The following SHROOM4 variants were observed in gnomAD, a reference collection of about 807,000 sequenced individuals.
SHROOM4 encodes the protein protein Shroom4.
SHROOM4 carries 17 observed loss-of-function variants against 80.3 expected under a neutral mutation model. The observed-to-expected ratio is 0.21, with a 90% confidence interval of 0.14 to 0.32. The LOEUF is 0.32. Ranked by LOEUF, SHROOM4 falls within the 10% of genes least tolerant of loss-of-function variation. The pLI, the probability that SHROOM4 is intolerant of heterozygous loss-of-function variation, is 1.00. For missense variants in SHROOM4, 993 were observed against 1,140.3 expected (o/e 0.87, Z 1.86); for synonymous variants, 400 against 437.5 (o/e 0.91, Z 1.07).
At chrX:50,682,817 G>T (rs1348711838) in intron 2 of SHROOM4, among the ~76,000 whole-genome samples, 1 of 112,002 alleles carries the variant, frequency 8.9e-6, no homozygotes, top group Non-Finnish European at 1.9e-5. Flanking sequence ...AACTTGATTG[G>T]ATTGAAGGAT....
chrX:50,795,051 G>GATAT (rs57853672), intron 1 of SHROOM4, among the ~76,000 whole-genome samples: 1 of 2,518 alleles, frequency 4.0e-4, no homozygotes, highest in African/African-American at 4.6e-4. Context: ...ATATATATAT[G>GATAT]ATATATATAT....
chrX:50,693,666 G>A (rs1322269608), intron 2 of SHROOM4, among the ~76,000 whole-genome samples: 1 of 107,151 alleles, frequency 9.3e-6, no homozygotes, highest in Non-Finnish European at 1.9e-5. Flanking sequence ...CATATAATGT[G>A]TAATAATGAA....
intron 2 of SHROOM4, among the ~76,000 whole-genome samples, chrX:50,660,495 G>C (rs1007014518): frequency 1.9e-5 from 2 of 103,265 alleles, no homozygotes; most frequent in Non-Finnish European, 3.9e-5. Context: ...TGCTTTAATT[G>C]TAAGTGTTGA....
chrX:50,739,479 T>G (rs1370793849), intron 1 of SHROOM4, among the ~76,000 whole-genome samples: 1 of 110,459 alleles, frequency 9.1e-6, no homozygotes, highest in Non-Finnish European at 1.9e-5. Flanking sequence ...TCAAACAAAT[T>G]TACAAGAAAA....
intron 1 of SHROOM4, among the ~76,000 whole-genome samples, chrX:50,795,040 C>CATATATATATGAT (rs1935938021): frequency 3.2e-4 from 2 of 6,224 alleles, no homozygotes; most frequent in African/African-American, 4.0e-4. Flanking sequence ...ATATATATCT[C>CATATATATATGAT]ATATATATAT....
chrX:50,725,136 C>A (rs1356812539), intron 1 of SHROOM4, among the ~76,000 whole-genome samples: 5 of 112,041 alleles, frequency 4.5e-5, no homozygotes, highest in Non-Finnish European at 1.9e-5. Context: ...AAGAGGAAGG[C>A]TCCCTTTATC....
At chrX:50,705,186 G>C (rs1271264886) in intron 1 of SHROOM4, among the ~76,000 whole-genome samples, 1 of 111,341 alleles carries the variant, frequency 9.0e-6, no homozygotes, top group African/African-American at 3.3e-5. Context: ...CATCATGACT[G>C]AGAAATGACA....
At chrX:50,748,902 C>A (rs1319547893) in intron 1 of SHROOM4, among the ~76,000 whole-genome samples, 1 of 112,253 alleles carries the variant, frequency 8.9e-6, no homozygotes, top group African/African-American at 3.2e-5. Context: ...TAAACATAGT[C>A]AAAAAGTTTA....
In SHROOM4 at chrX:50,751,174, G is replaced by A. The variant is rs781973862; in HGVS notation, c.118-55237C>T. 8.0e-5 allele frequency among the ~76,000 whole-genome samples: 9 copies of A among 111,814 alleles called. No individual in the cohort carries two copies. In the South Asian group the frequency reaches 1.9e-3, roughly 24 times the overall value. On this transcript the variant is annotated intron_variant, in intron 1 of 8. Coordinates refer to ENST00000376020, the MANE Select transcript of SHROOM4 (RefSeq NM_020717.5). ...ATGATAGAATCCTACCACTCTAATC[G>A]AACTCATGGAGTCTATGCCAAAGAG...
At chrX:50,655,541 A>C (rs1432768565) in intron 2 of SHROOM4, among the ~76,000 whole-genome samples, 2 of 106,901 alleles carry the variant, frequency 1.9e-5, no homozygotes, top group Non-Finnish European at 3.8e-5. Context: ...TATATTATAT[A>C]TAACATATAT....
intron 5 of SHROOM4, among the ~76,000 whole-genome samples, chrX:50,617,738 A>G (rs1038174051): frequency 2.8e-5 from 3 of 107,994 alleles, no homozygotes; most frequent in Non-Finnish European, 5.7e-5. Flanking sequence ...ATCTGGAGGT[A>G]CTGGGCACAA....
intron 2 of SHROOM4, among the ~76,000 whole-genome samples, chrX:50,647,700 A>T (rs1386602596): frequency 1.8e-5 from 2 of 112,070 alleles, no homozygotes; most frequent in Admixed American, 1.9e-4. Flanking sequence ...GATGGAATCC[A>T]TAAAGGTTTT....
intron 1 of SHROOM4, among the ~76,000 whole-genome samples, chrX:50,806,676 G>A (rs183945715): frequency 3.3e-4 from 37 of 112,260 alleles, no homozygotes; most frequent in Non-Finnish European, 3.9e-4. Flanking sequence ...TCTTGATACC[G>A]ACATAACCAA....
At position 50,590,529 on chromosome X, in the gene SHROOM4, C is replaced by T. The variant is rs1315588376; in HGVS notation, c.*6166G>A. On this transcript the variant is annotated 3_prime_UTR_variant, in exon 9 of 9. Coordinates refer to ENST00000376020, the MANE Select transcript of SHROOM4 (RefSeq NM_020717.5). ...CCTCCCAAAGTGCTGGGATTACAGG[C>T]GTGAGCCACCGCGCCTGGCCGAGAC... 1.8e-5 allele frequency among the ~76,000 whole-genome samples: 2 copies of T among 111,085 alleles called. No individual in the cohort carries two copies. Among genetic ancestry groups the T allele is most frequent in the African/African-American group, 3.3e-5 (1 of 30,543 alleles).
intron 1 of SHROOM4, among the ~76,000 whole-genome samples, chrX:50,700,548 T>A (rs1557263465): frequency 8.9e-6 from 1 of 111,915 alleles, no homozygotes; most frequent in Non-Finnish European, 1.9e-5. Context: ...CTACCCTCTT[T>A]TTCCTTGTTG....
chrX:50,674,973 T>C (rs1236367422), intron 2 of SHROOM4, among the ~76,000 whole-genome samples: 3 of 111,920 alleles, frequency 2.7e-5, no homozygotes, highest in African/African-American at 6.5e-5. Context: ...GCAGAAACCT[T>C]TAACAATGAG....
chrX:50,798,509 C>T (rs1936059608), intron 1 of SHROOM4, among the ~76,000 whole-genome samples: 1 of 111,284 alleles, frequency 9.0e-6, no homozygotes, highest in South Asian at 3.8e-4. Context: ...ATATGAAACA[C>T]AGAAAGGGGC....
intron 1 of SHROOM4, among the ~76,000 whole-genome samples, chrX:50,707,328 G>A (rs1933702975): frequency 8.9e-6 from 1 of 112,155 alleles, no homozygotes; most frequent in Non-Finnish European, 1.9e-5. Flanking sequence ...CTTTTGTGAG[G>A]CTTTTCATAT....
rs3761505 is a variant in SHROOM4, at chrX:50,633,653, A to G, written c.2420T>C (p.Ile807Thr). Residue 807 changes from isoleucine to threonine, a missense_variant, in exon 4 of 9, where the codon ATA (isoleucine) becomes ACA (threonine). Coordinates refer to ENST00000376020, the MANE Select transcript of SHROOM4 (RefSeq NM_020717.5). ...GCTCATTGGCTGGAAGTTTTGGTCT[A>G]TAGGTTTTGGTCTCTGGGTAAAAGT... ...NKTFTQRPKP[I>T]DQNFQPMSSS... 9.7e-5 allele frequency: 118 copies of G among 1,210,290 alleles called. 1 individual carries two copies. The East Asian group carries it at 3.4e-3, about 35-fold the overall frequency.
Sources: allele counts gnomAD v4.1 joint callset (sites outside exome capture counted in the v4.1 genomes callset), GRCh38; gene constraint gnomAD v4.1.1; transcripts MANE v1.5; gene names NCBI Gene and HGNC (gene_info 2026-07-23, HGNC 2026-07-21).